Variants in SYNE2 observed in about 807,000 individuals in gnomAD.
SYNE2 encodes the protein spectrin repeat containing nuclear envelope protein 2.
SYNE2 carries 431 observed loss-of-function variants against 856.3 expected under a neutral mutation model. That is an observed-to-expected ratio of 0.50 (90% CI 0.47 to 0.55). The LOEUF is 0.55. SYNE2 is among the 20% of genes least tolerant of loss of function. SYNE2 has a pLI of 0.00. For missense variants in SYNE2, 8,129 were observed against 8,023.2 expected (o/e 1.01, Z -0.50); for synonymous variants, 2,923 against 2,872.3 (o/e 1.02, Z -0.56).
chr14:64,051,907 T>C lies in SYNE2; in HGVS notation c.7994T>C (p.Met2665Thr), dbSNP rs945601408. 1 of 1,613,942 alleles carries C rather than the reference T, an allele frequency of 6.2e-7. No homozygotes were observed. The highest frequency in any genetic ancestry group is 1.1e-5 in the South Asian group (1 of 91,084). ...GAAGAACGGGCAGGGAACCAAAGCA[T>C]GATTGCCTTGACCACTGACCTCCAG... is the stretch of plus-strand genomic sequence containing the variant. ...SPEERAGNQS[M>T]IALTTDLQAT... Residue 2665 changes from methionine (M) to threonine (T), a missense_variant, in exon 48 of 116, where the codon ATG (methionine) becomes ACG (threonine). Physicochemically the swap from Met to Thr is moderately conservative, Grantham distance 81. This residue lies in a region of SYNE2 where 5,410 missense variants were observed against 5,284.8 expected (regional missense o/e 1.02). Coordinates refer to ENST00000555002, the MANE Select transcript of SYNE2 (RefSeq NM_182914.3).
At chr14:63,945,339 C>T (rs1362261217) in intron 6 of SYNE2, among the ~76,000 whole-genome samples, 2 of 152,106 alleles carry the variant, frequency 1.3e-5, no homozygotes, top group Non-Finnish European at 2.9e-5. Context: ...AAGGTGAGCA[C>T]CGCTTTGAGC....
chr14:63,990,569 G>T lies in SYNE2; in HGVS notation c.2472G>T (p.Gln824His), dbSNP rs760909392. Residue 824 changes from glutamine (Q) to histidine (H), a missense_variant and splice_region_variant, in exon 20 of 116, where the codon CAG (glutamine) becomes CAT (histidine). Gln to His is a conservative substitution (Grantham distance 24, BLOSUM62 0). This residue lies in a region of SYNE2 where 2,422 missense variants were observed against 2,357.4 expected (regional missense o/e 1.03). Coordinates refer to ENST00000555002, the MANE Select transcript of SYNE2 (RefSeq NM_182914.3). ...AKIQEAKEKVQINVVKLIAAL... is the reference protein window; with the variant it reads ...AKIQEAKEKVHINVVKLIAAL... The stretch of plus-strand genomic sequence containing the variant: ...TTCAAGAAGCTAAAGAGAAAGTCCA[G>T]GTCTCTCTTTAATATTCCCTATTTA... 3 of 1,613,374 alleles carry T rather than the reference G, an allele frequency of 1.9e-6. No individual in the cohort carries two copies. The highest frequency in any genetic ancestry group is 3.3e-4 in the Middle Eastern group (2 of 5,988).
chr14:64,224,626 A>C, intron 114 of SYNE2, 79 bp downstream of exon 114: 1 of 1,527,074 alleles, frequency 6.5e-7, no homozygotes, highest in Non-Finnish European at 9.1e-7. Context: ...TTGGGATTCC[A>C]AGAGCCCATT....
intron 49 of SYNE2, among the ~76,000 whole-genome samples, chr14:64,062,278 T>C (rs1595231960): frequency 6.6e-6 from 1 of 152,344 alleles, no homozygotes; most frequent in East Asian, 1.9e-4. Context: ...GTGTGATGTT[T>C]TAATTAATAG....
Position 64,070,801 on chromosome 14 carries a change from C to G in SYNE2, c.10588C>G (p.Leu3530Val), listed in dbSNP as rs553625015. The G allele has an allele frequency of 1.1e-5, 18 of 1,614,200 alleles. No homozygotes were observed. The South Asian group carries it at 1.8e-4, about 16-fold the overall frequency. Residue 3530 changes from leucine (L) to valine (V), a missense_variant, in exon 52 of 116, where the codon CTA becomes GTA. This residue lies in a region of SYNE2 where 5,410 missense variants were observed against 5,284.8 expected (regional missense o/e 1.02). Coordinates refer to ENST00000555002, the MANE Select transcript of SYNE2 (RefSeq NM_182914.3). ...NVEKQQLLLT[L>V]LLQRIRSIQN... Reference sequence around the variant, plus strand: ...GGAGAAGCAACAGCTGTTACTGACTCTACTTCTTCAGCGCATCAGAAGTAT... The same window carrying G: ...GGAGAAGCAACAGCTGTTACTGACTGTACTTCTTCAGCGCATCAGAAGTAT...
Position 64,010,108 on chromosome 14 carries a change from A to T in SYNE2, c.4720A>T (p.Ile1574Leu), listed in dbSNP as rs1478025522. The change falls in exon 32 of 116, where the codon ATA (isoleucine) becomes TTA (leucine). Residue 1574 changes from isoleucine (I) to leucine (L), a missense_variant. Physicochemically the swap from Ile to Leu is conservative, Grantham distance 5 (BLOSUM62 2). Transcript: ENST00000555002. ...YMGKENLKKR[I>L]AEIEIVKEEF... is the part of the protein sequence containing the mutation. ...GGGAAAGGAGAACCTGAAGAAAAGG[A>T]TAGCAGAGGTGAGTCCAGGTTCCAT... The T allele has an allele frequency of 6.2e-7, 1 of 1,612,340 alleles. No homozygotes were observed. Among genetic ancestry groups the T allele is most frequent in the Non-Finnish European group, 8.5e-7 (1 of 1,179,112 alleles).
At chr14:63,841,787 G>T (rs944447095) in intron 1 of SYNE2, among the ~76,000 whole-genome samples, 1 of 148,144 alleles carries the variant, frequency 6.8e-6, no homozygotes. Flanking sequence ...TCTGTGAATT[G>T]TCTGTTCATG....
intron 1 of SYNE2, among the ~76,000 whole-genome samples, chr14:63,773,847 T>A (rs1887012018): frequency 6.6e-6 from 1 of 152,228 alleles, no homozygotes; most frequent in South Asian, 2.1e-4. Flanking sequence ...TCTGTGATTA[T>A]CCTTCTGATA....
rs936310582 is a variant in SYNE2, at chr14:64,225,791, C to T, written c.*265C>T. The T allele has an allele frequency of 3.9e-5, 23 of 594,698 alleles. No homozygotes were observed. The African/African-American group carries it at 4.3e-4, about 11-fold the overall frequency. The allele number at this position is 594,698 out of a possible 1,614,324, so 36.8% of individuals were successfully genotyped here. A position where few individuals can be genotyped will look rare whatever the true frequency, so the allele number is the denominator to read the frequency against. The stretch of plus-strand genomic sequence containing the variant: ...TTAGTTTAGGGATCTCTGGAAATGT[C>T]AGTTTCCTGAAGAGCCAAGCACTTT... On this transcript the variant is annotated 3_prime_UTR_variant, in exon 116 of 116. Transcript: ENST00000555002.
chr14:63,842,462 C>CT (rs111976320), intron 1 of SYNE2, among the ~76,000 whole-genome samples: 82,531 of 147,842 alleles, frequency 0.56, 23,269 homozygotes, highest in South Asian at 0.68. Flanking sequence ...TTCTTTTTCT[C>CT]CTTTTTTTTT....
Position 63,822,061 on chromosome 14 carries a change from C to T in SYNE2, c.-304-30440C>T, listed in dbSNP as rs978377410. On this transcript the variant is annotated intron_variant, in intron 1 of 23. Coordinates refer to the SYNE2 transcript ENST00000674003. ...CAAAAATTAGCTGGGCATTGTGGCA[C>T]GTGCCTGTATTCCCAGCTATTTAGG... 4.6e-5 allele frequency among the ~76,000 whole-genome samples: 7 copies of T among 151,586 alleles called. No individual in the cohort carries two copies. The East Asian group carries it at 5.9e-4, about 13-fold the overall frequency.
At chr14:63,974,852 ATGTGTGTGTGTGTGTG>A (rs1289413090) in intron 11 of SYNE2, among the ~76,000 whole-genome samples, 1 of 79,030 alleles carries the variant, frequency 1.3e-5, no homozygotes, top group African/African-American at 4.3e-5. Flanking sequence ...GTGTGTGTAC[ATGTGTGTGTGTGTGTG>A]TGTGTGTGTG....
chr14:64,101,545 T>G (rs549917392), intron 63 of SYNE2, among the ~76,000 whole-genome samples: 2 of 152,198 alleles, frequency 1.3e-5, no homozygotes, highest in African/African-American at 2.4e-5. Flanking sequence ...TGGCCTCAAG[T>G]GATCCTCCCA....
At chr14:63,929,538 A>G (rs1303103830) in intron 2 of SYNE2, among the ~76,000 whole-genome samples, 1 of 152,172 alleles carries the variant, frequency 6.6e-6, no homozygotes, top group African/African-American at 2.4e-5. Context: ...TGGGAGGCCA[A>G]GGCGGGTGGA....
At position 63,909,136 on chromosome 14, in the gene SYNE2, A is replaced by G. The variant is rs2095442316; in HGVS notation, c.-13A>G. On this transcript the variant is annotated 5_prime_UTR_variant, in exon 2 of 116. Coordinates refer to ENST00000555002, the MANE Select transcript of SYNE2 (RefSeq NM_182914.3). Reference sequence around the variant, plus strand: ...CTGAGATGGACATGATATAATCTCCATTGAGTCAAAGAATGGCATCTAGTC... The same window carrying G: ...CTGAGATGGACATGATATAATCTCCGTTGAGTCAAAGAATGGCATCTAGTC... 2 of 1,588,626 alleles carry G rather than the reference A, an allele frequency of 1.3e-6. No individual in the cohort carries two copies. Among genetic ancestry groups the G allele is most frequent in the Non-Finnish European group, 1.7e-6 (2 of 1,156,912 alleles).
chr14:64,048,032 A>G lies in SYNE2; in HGVS notation c.7254A>G (p.Gln2418=), dbSNP rs984046422. The change falls in exon 46 of 116, where the codon CAA becomes CAG. Residue 2418 remains glutamine (Q), a synonymous_variant. Transcript: ENST00000555002. ...CTGTGGAAATGGCTATGTCAAAACA[A>G]CTTTCTCTTAATGCTCAAGAAAGCA... ...DSAVEMAMSK[Q]LSLNAQESMK... The G allele has an allele frequency of 6.8e-6, 11 of 1,613,768 alleles. No homozygotes were observed. The highest frequency in any genetic ancestry group is 1.6e-4 in the Middle Eastern group (1 of 6,064).
chr14:63,769,093 A>G (rs1367312061), intron 1 of SYNE2, among the ~76,000 whole-genome samples: 1 of 152,162 alleles, frequency 6.6e-6, no homozygotes, highest in Non-Finnish European at 1.5e-5. Context: ...TGGGCAATAC[A>G]GTGAGACCTC....
intron 74 of SYNE2, among the ~76,000 whole-genome samples, chr14:64,129,403 G>A (rs781012717): frequency 5.3e-5 from 8 of 152,210 alleles, no homozygotes; most frequent in Non-Finnish European, 1.2e-4. Context: ...TCCATTGAGA[G>A]CTGACTGATA....
At chr14:64,135,930 A>G (rs771296007) in intron 78 of SYNE2, among the ~76,000 whole-genome samples, 6 of 152,148 alleles carry the variant, frequency 3.9e-5, no homozygotes, top group African/African-American at 7.2e-5. Context: ...TTTGAAGTCA[A>G]CAAACCTGTG....
Sources: allele counts gnomAD v4.1 joint callset (sites outside exome capture counted in the v4.1 genomes callset), GRCh38; gene constraint gnomAD v4.1.1; regional missense constraint gnomAD v4.1.1; transcripts MANE v1.5; gene names NCBI Gene and HGNC (gene_info 2026-07-23, HGNC 2026-07-21).